Variants in XDH observed in about 807,000 individuals in gnomAD.
XDH encodes xanthine dehydrogenase.
Under a neutral mutation model 156.1 loss-of-function variants are expected in XDH, and 138 were observed. The observed-to-expected ratio is 0.88, with a 90% CI of 0.77 to 1.02. XDH has a LOEUF of 1.02. XDH is among the 50% of genes least tolerant of loss of function. The probability of loss-of-function intolerance (pLI) is 0.00; values close to 1 mark genes in which losing one functional copy is unlikely to be tolerated. For missense variants in XDH, 1,849 were observed against 1,684.9 expected (o/e 1.10, Z -1.71); for synonymous variants, 669 against 625.7 (o/e 1.07, Z -1.03).
rs6710015 is a variant in XDH at position 31,334,481 on chromosome 2, T to C, written c.*1477A>G. 65,162 of 152,006 alleles carry C rather than the reference T, an allele frequency of 0.43. 16,247 individuals are homozygous for C. The highest frequency in any genetic ancestry group is 0.71 in the African/African-American group (29,200 of 41,418). 9.4% of individuals were successfully genotyped at this position (152,006 alleles called of 1,614,324 possible). On this transcript the variant is annotated 3_prime_UTR_variant, in exon 36 of 36. Coordinates refer to ENST00000379416, the MANE Select transcript of XDH (RefSeq NM_000379.4). ...GTGACACATTGTCCACCCAGCACCA[T>C]GTAGGGATTAAATCACCATTTGGAG... is the stretch of plus-strand genomic sequence containing the variant.
At chr2:31,377,578 T>TC (rs1327087920) in intron 13 of XDH, among the ~76,000 whole-genome samples, 1 of 152,038 alleles carries the variant, frequency 6.6e-6, no homozygotes, top group East Asian at 1.9e-4. Flanking sequence ...AGACCCCTCA[T>TC]CCCCCTTACC....
chr2:31,339,703 T>C, intron 33 of XDH, 26 bp from the exon 34 acceptor site: 1 of 1,612,604 alleles, frequency 6.2e-7, no homozygotes, highest in Admixed American at 1.7e-5. Context: ...AGAGCACAGT[T>C]AGCCTGCCAC....
chr2:31,406,865 G>T (rs991487176), intron 1 of XDH, among the ~76,000 whole-genome samples: 1 of 152,152 alleles, frequency 6.6e-6, no homozygotes, highest in South Asian at 2.1e-4. Context: ...ATGCGTATTA[G>T]TCAACACTAA....
Position 31,383,126 on chromosome 2 carries a change from G to A in XDH, c.913C>T (p.Leu305=). The change falls in exon 11 of 36, where the codon CTG becomes TTG. Residue 305 remains leucine (L), a synonymous_variant. Transcript: ENST00000379416. ...ACCAGGGTTTTTTCCACAATGCTCA[G>A]GGGGCAAGCAGCTCCAAAGGAGATA... ...DGISFGAACP[L]SIVEKTLVDA... The A allele has an allele frequency of 6.2e-7, 1 of 1,614,200 alleles. No homozygotes were observed. Among genetic ancestry groups the A allele is most frequent in the East Asian group, 2.2e-5 (1 of 44,880 alleles).
At chr2:31,372,426 G>A (rs1686099458) in intron 16 of XDH, 29 bp from the exon 17 acceptor site, 1 of 1,613,610 alleles carries the variant, frequency 6.2e-7, no homozygotes. Context: ...CAATCAGGGT[G>A]AGCTGCCAAG....
intron 1 of XDH, among the ~76,000 whole-genome samples, chr2:31,411,568 T>C (rs1687343803): frequency 6.6e-6 from 1 of 152,192 alleles, no homozygotes; most frequent in Non-Finnish European, 1.5e-5. Context: ...TGTATTCTTC[T>C]TGCAGTTTTT....
chr2:31,337,966 G>T, intron 34 of XDH, 149 bp from the exon 35 acceptor site: 1 of 753,814 alleles, frequency 1.3e-6, no homozygotes, highest in Non-Finnish European at 2.1e-6. Context: ...ACCAAATACA[G>T]CAGGAAGGCA....
intron 24 of XDH, among the ~76,000 whole-genome samples, chr2:31,351,993 G>A (rs1351953276): frequency 6.6e-6 from 1 of 152,066 alleles, no homozygotes; most frequent in Admixed American, 6.6e-5. Context: ...CTTTCATTGT[G>A]CTGGTTATTA....
chr2:31,382,947 T>C, intron 11 of XDH, 54 bp downstream of exon 11: 1 of 1,612,872 alleles, frequency 6.2e-7, no homozygotes, highest in Non-Finnish European at 8.5e-7. Flanking sequence ...GCTGCCCTGC[T>C]TTCAGATGAA....
At chr2:31,352,272 C>G (rs1685503667) in intron 24 of XDH, among the ~76,000 whole-genome samples, 1 of 152,098 alleles carries the variant, frequency 6.6e-6, no homozygotes, top group South Asian at 2.1e-4. Context: ...TTGACTGCTC[C>G]ATTTTAGTAA....
At chr2:31,381,229 C>G (rs1241544009) in intron 12 of XDH, among the ~76,000 whole-genome samples, 1 of 152,164 alleles carries the variant, frequency 6.6e-6, no homozygotes, top group African/African-American at 2.4e-5. Context: ...CTCCTGACCT[C>G]AAGTAATCCT....
At chr2:31,339,120 T>C (rs886728080) in intron 34 of XDH, among the ~76,000 whole-genome samples, 14 of 152,118 alleles carry the variant, frequency 9.2e-5, no homozygotes, top group Non-Finnish European at 1.5e-4. Flanking sequence ...CTGATTGTCA[T>C]TGGACCATAC....
chr2:31,394,680 C>T (rs1686856890), intron 6 of XDH, among the ~76,000 whole-genome samples: 3 of 152,054 alleles, frequency 2.0e-5, no homozygotes, highest in Non-Finnish European at 4.4e-5. Context: ...ACATATGTTA[C>T]ATCTTTTGTA....
chr2:31,342,602 T>C (rs369244403), intron 31 of XDH, among the ~76,000 whole-genome samples: 1 of 152,202 alleles, frequency 6.6e-6, no homozygotes, highest in Non-Finnish European at 1.5e-5. Flanking sequence ...CAGATCCATC[T>C]GGGCTCACGA....
rs549701362 is a variant in XDH, at chr2:31,386,340, T to C, written c.793+74A>G. Reference sequence around the variant, plus strand: ...AGAGGCAAGTAAAGTCAGGGGGAGGTGAGGATGGGCAAGAGGACCTAGAAA... The same window carrying C: ...AGAGGCAAGTAAAGTCAGGGGGAGGCGAGGATGGGCAAGAGGACCTAGAAA... On this transcript the variant is annotated intron_variant, in intron 9 of 35. Coordinates refer to ENST00000379416, the MANE Select transcript of XDH (RefSeq NM_000379.4). The C allele has an allele frequency of 5.7e-6, 9 of 1,587,532 alleles. No individual in the cohort carries two copies. In the Admixed American group the frequency reaches 1.0e-4, roughly 18 times the overall value.
At chr2:31,361,589 C>A (rs1328119447) in intron 24 of XDH, among the ~76,000 whole-genome samples, 1 of 152,190 alleles carries the variant, frequency 6.6e-6, no homozygotes, top group Admixed American at 6.5e-5. Context: ...ATCCCAAGCA[C>A]CAATAATGGA....
chr2:31,347,439 T>C, intron 29 of XDH, 83 bp downstream of exon 29: 1 of 1,603,624 alleles, frequency 6.2e-7, no homozygotes, highest in South Asian at 1.1e-5. Flanking sequence ...CAAGGAACCC[T>C]TCTAGCTCCC....
At chr2:31,379,594 G>A (rs530451986) in intron 13 of XDH, among the ~76,000 whole-genome samples, 1 of 152,300 alleles carries the variant, frequency 6.6e-6, no homozygotes, top group South Asian at 2.1e-4. Flanking sequence ...TAAGGGAATT[G>A]GGGCTCAGAA....
intron 10 of XDH, 141 bp from the exon 11 acceptor site, chr2:31,383,293 G>C: frequency 8.9e-6 from 12 of 1,345,554 alleles, no homozygotes; most frequent in African/African-American, 1.4e-5. Flanking sequence ...GGAAATGAGG[G>C]CCCAGAGTGG....
Sources: allele counts gnomAD v4.1 joint callset (sites outside exome capture counted in the v4.1 genomes callset), GRCh38; gene constraint gnomAD v4.1.1; transcripts MANE v1.5; gene names NCBI Gene and HGNC (gene_info 2026-07-23, HGNC 2026-07-21).